Variants in SKAP2 observed in about 807,000 individuals in gnomAD.
The protein encoded by SKAP2 is src kinase-associated phosphoprotein 2.
SKAP2 carries 28 observed loss-of-function variants against 54.9 expected under a neutral mutation model. The observed-to-expected ratio is 0.51, with a 90% CI of 0.38 to 0.70. SKAP2 has a LOEUF of 0.70. SKAP2 is among the 30% of genes least tolerant of loss of function. The pLI is 0.00. For missense variants in SKAP2, 356 were observed against 424.1 expected (o/e 0.84, Z 1.41); for synonymous variants, 137 against 134.3 (o/e 1.02, Z -0.14).
intron 4 of SKAP2, among the ~76,000 whole-genome samples, chr7:26,795,667 A>T (rs1783760212): frequency 6.6e-6 from 1 of 152,252 alleles, no homozygotes; most frequent in South Asian, 2.1e-4. Flanking sequence ...ACTGGGCAAC[A>T]ACCTCATGAT....
At chr7:26,780,907 G>A (rs907482488) in intron 4 of SKAP2, among the ~76,000 whole-genome samples, 9 of 152,022 alleles carry the variant, frequency 5.9e-5, no homozygotes, top group Admixed American at 2.6e-4. Flanking sequence ...GTGCAAAAAG[G>A]CTATTGTACT....
chr7:26,725,575 A>C lies in SKAP2; in HGVS notation c.659-10T>G, dbSNP rs1361944202. The stretch of plus-strand genomic sequence containing the variant: ...ATATCAGATTCCATATCTATAAAAC[A>C]CATTTCATGAAGTAAATTTTAAAAG... On this transcript the variant is annotated splice_polypyrimidine_tract_variant and intron_variant, in intron 8 of 12. Coordinates refer to ENST00000345317, the MANE Select transcript of SKAP2 (RefSeq NM_003930.5). 6.4e-7 allele frequency: 1 copy of C among 1,564,330 alleles called. No individual in the cohort carries two copies. Among genetic ancestry groups the C allele is most frequent in the Non-Finnish European group, 8.6e-7 (1 of 1,156,932 alleles).
chr7:26,714,478 CTTGA>C (rs952116939), intron 9 of SKAP2, among the ~76,000 whole-genome samples: 2 of 152,148 alleles, frequency 1.3e-5, no homozygotes, highest in South Asian at 2.1e-4. Flanking sequence ...TTCACTTAAG[CTTGA>C]TTAAGTTAAA....
intron 9 of SKAP2, among the ~76,000 whole-genome samples, chr7:26,708,373 A>C (rs1006020933): frequency 6.6e-6 from 1 of 152,000 alleles, no homozygotes; most frequent in Non-Finnish European, 1.5e-5. Context: ...TGTAGGGGCA[A>C]AAAAAATGGG....
intron 6 of SKAP2, among the ~76,000 whole-genome samples, chr7:26,729,618 A>G (rs1787779738): frequency 6.6e-6 from 1 of 152,166 alleles, no homozygotes; most frequent in South Asian, 2.1e-4. Context: ...ATGATGTATT[A>G]GAAGTGATAA....
chr7:26,716,322 T>A (rs1373003529), intron 9 of SKAP2, among the ~76,000 whole-genome samples: 2 of 149,148 alleles, frequency 1.3e-5, no homozygotes, highest in African/African-American at 5.0e-5. Flanking sequence ...TAGATGAATT[T>A]GAGCTTTATC....
intron 9 of SKAP2, among the ~76,000 whole-genome samples, chr7:26,721,740 A>G (rs977511362): frequency 2.0e-5 from 3 of 152,174 alleles, no homozygotes; most frequent in Admixed American, 6.5e-5. Flanking sequence ...TTAGATCTAG[A>G]AAAATCTTTT....
chr7:26,728,578 C>T (rs568117606), intron 6 of SKAP2, among the ~76,000 whole-genome samples: 119 of 152,162 alleles, frequency 7.8e-4, no homozygotes, highest in Non-Finnish European at 1.3e-3. Context: ...AAGACTAAAT[C>T]ATTCACTCAC....
At chr7:26,733,296 C>T (rs982795983) in intron 6 of SKAP2, among the ~76,000 whole-genome samples, 2 of 151,702 alleles carry the variant, frequency 1.3e-5, no homozygotes, top group African/African-American at 4.8e-5. Context: ...AACAGAATTG[C>T]AATTTAAATT....
At chr7:26,740,728 G>A (rs576319931) in intron 4 of SKAP2, among the ~76,000 whole-genome samples, 2 of 152,272 alleles carry the variant, frequency 1.3e-5, no homozygotes, top group Admixed American at 1.3e-4. Context: ...GCTCACGCTT[G>A]TAATCCCAGC....
chr7:26,739,667 A>C (rs1782386989), intron 5 of SKAP2, among the ~76,000 whole-genome samples: 1 of 152,190 alleles, frequency 6.6e-6, no homozygotes, highest in African/African-American at 2.4e-5. Flanking sequence ...ACAAATAACC[A>C]AGGTTGACAA....
intron 4 of SKAP2, among the ~76,000 whole-genome samples, chr7:26,761,331 A>G (rs1403512065): frequency 6.6e-6 from 1 of 152,238 alleles, no homozygotes; most frequent in African/African-American, 2.4e-5. Flanking sequence ...AAAAATGAAT[A>G]AGAGCTTAAA....
intron 4 of SKAP2, among the ~76,000 whole-genome samples, chr7:26,782,954 T>C (rs1783459732): frequency 6.6e-6 from 1 of 152,186 alleles, no homozygotes; most frequent in Non-Finnish European, 1.5e-5. Context: ...TACAGCAGCC[T>C]GAATGGACTA....
the SKAP2 span, among the ~76,000 whole-genome samples, chr7:26,658,129 C>T: frequency 6.6e-6 from 1 of 152,134 alleles, no homozygotes; most frequent in Non-Finnish European, 1.5e-5. Flanking sequence ...GGACATATCC[C>T]CTCACTTAGG....
intron 9 of SKAP2, among the ~76,000 whole-genome samples, chr7:26,700,785 A>T (rs778177810): frequency 1.3e-5 from 2 of 152,176 alleles, no homozygotes; most frequent in Non-Finnish European, 2.9e-5. Flanking sequence ...GACACTTTCT[A>T]CTGTTTTTGA....
chr7:26,772,414 C>A (rs1334962496), intron 4 of SKAP2, among the ~76,000 whole-genome samples: 4 of 152,146 alleles, frequency 2.6e-5, no homozygotes, highest in Non-Finnish European at 5.9e-5. Context: ...CCACTGTCTC[C>A]TGTTCTCATC....
At chr7:26,684,051 T>C (rs145075361) in intron 11 of SKAP2, among the ~76,000 whole-genome samples, 14 of 152,214 alleles carry the variant, frequency 9.2e-5, no homozygotes, top group African/African-American at 2.9e-4. Context: ...TTACCAAAAG[T>C]ATAATCACAA....
At chr7:26,811,665 T>C (rs757777536) in intron 4 of SKAP2, among the ~76,000 whole-genome samples, 33 of 152,198 alleles carry the variant, frequency 2.2e-4, no homozygotes, top group African/African-American at 7.2e-4. Context: ...CAGGTGATAA[T>C]TGTCATAAAG....
At chr7:26,820,807 G>T (rs1004695775) in intron 4 of SKAP2, among the ~76,000 whole-genome samples, 6 of 152,070 alleles carry the variant, frequency 3.9e-5, no homozygotes, top group Admixed American at 3.3e-4. Context: ...TTCAAACATG[G>T]ATAAAAATTC....
Sources: gnomAD v4.1 joint callset for allele counts (sites outside exome capture counted in the v4.1 genomes callset) on GRCh38, gnomAD v4.1.1 for gene constraint, MANE v1.5 for transcripts, NCBI Gene and HGNC (gene_info 2026-07-23, HGNC 2026-07-21) for gene names.